The following GPC5 variants were observed in gnomAD, a reference collection of about 807,000 sequenced individuals.
The protein encoded by GPC5 is glypican 5.
GPC5 carries 47 observed loss-of-function variants against 53.9 expected under a neutral mutation model. That is an observed-to-expected ratio of 0.87 (90% CI 0.69 to 1.11). The LOEUF (loss-of-function observed/expected upper bound fraction) is 1.11. GPC5 is among the 50% of genes most tolerant of loss of function. The pLI is 0.00. For missense variants in GPC5, 748 were observed against 713.1 expected (o/e 1.05, Z -0.56); for synonymous variants, 286 against 263.3 (o/e 1.09, Z -0.84).
chr13:91,996,601 T>C (rs1295795708), intron 6 of GPC5: 2 of 152,218 alleles, frequency 1.3e-5, no homozygotes, highest in East Asian at 3.8e-4. Flanking sequence ...CAAAATATAG[T>C]TGTGTAACTG....
chr13:91,950,266 G>GTTT (rs35957614), intron 6 of GPC5, among the ~76,000 whole-genome samples: 5,034 of 122,588 alleles, frequency 0.041, 370 homozygotes, highest in African/African-American at 0.13. Context: ...AAACTGCCAA[G>GTTT]TTTTTTTTTT....
intron 6 of GPC5, among the ~76,000 whole-genome samples, chr13:91,935,136 T>C (rs1392513404): frequency 1.3e-5 from 2 of 151,824 alleles, no homozygotes; most frequent in Non-Finnish European, 2.9e-5. Context: ...TGGATTAGGA[T>C]AGTGAAAAAG....
intron 1 of GPC5, among the ~76,000 whole-genome samples, chr13:91,440,223 A>G (rs1305677503): frequency 1.3e-5 from 2 of 151,970 alleles, no homozygotes; most frequent in Non-Finnish European, 2.9e-5. Flanking sequence ...AATCTTACCT[A>G]TGTTACACTT....
At chr13:92,287,298 T>C (rs1244555022) in intron 7 of GPC5, among the ~76,000 whole-genome samples, 1 of 152,230 alleles carries the variant, frequency 6.6e-6, no homozygotes, top group Non-Finnish European at 1.5e-5. Context: ...TTCCAGAGAA[T>C]GTTCCTTGTA....
chr13:91,405,304 C>T lies in GPC5; in HGVS notation c.163+6095C>T, dbSNP rs114451797. Among the ~76,000 whole-genome samples the T allele has an allele frequency of 5.1e-3, 776 of 152,268 alleles. 5 individuals are homozygous for T. Among genetic ancestry groups the T allele is most frequent in the African/African-American group, 0.018 (745 of 41,518 alleles). The stretch of plus-strand genomic sequence containing the variant: ...TTCAGAAGCATCTCTCACCTCCATC[C>T]ACTAGATACCAATAGCATTACCACT... On this transcript the variant is annotated intron_variant, in intron 1 of 7. Transcript: ENST00000377067.
chr13:92,412,368 A>G (rs1362058269), intron 7 of GPC5, among the ~76,000 whole-genome samples: 2 of 152,164 alleles, frequency 1.3e-5, no homozygotes, highest in Non-Finnish European at 2.9e-5. Flanking sequence ...TGTTTTAGGA[A>G]GTATGGAGGA....
At chr13:91,576,029 A>C (rs1241089157) in intron 2 of GPC5, among the ~76,000 whole-genome samples, 1 of 152,100 alleles carries the variant, frequency 6.6e-6, no homozygotes, top group Non-Finnish European at 1.5e-5. Flanking sequence ...AATATGAAAG[A>C]AGTAGTAGGT....
chr13:92,735,737 A>G (rs1333919304), intron 7 of GPC5, among the ~76,000 whole-genome samples: 2 of 152,054 alleles, frequency 1.3e-5, no homozygotes, highest in Non-Finnish European at 2.9e-5. Context: ...AGCAAATTAC[A>G]GTATCAGCTT....
chr13:92,183,105 G>T (rs1432119019), intron 7 of GPC5, among the ~76,000 whole-genome samples: 2 of 152,164 alleles, frequency 1.3e-5, no homozygotes, highest in Non-Finnish European at 2.9e-5. Context: ...GGTGGAACTG[G>T]TAGTGTAAGC....
intron 6 of GPC5, among the ~76,000 whole-genome samples, chr13:91,922,994 A>G (rs2039731223): frequency 6.6e-6 from 1 of 152,202 alleles, no homozygotes; most frequent in Non-Finnish European, 1.5e-5. Context: ...ATAGTAGTTC[A>G]TAAGGCTTTC....
intron 7 of GPC5, among the ~76,000 whole-genome samples, chr13:92,506,696 G>A (rs1266429960): frequency 6.6e-6 from 1 of 152,054 alleles, no homozygotes; most frequent in Non-Finnish European, 1.5e-5. Flanking sequence ...GGAGAACGTA[G>A]GAAGCTCTTC....
intron 7 of GPC5, among the ~76,000 whole-genome samples, chr13:92,533,910 G>A (rs924284090): frequency 1.3e-5 from 2 of 152,032 alleles, no homozygotes; most frequent in African/African-American, 2.4e-5. Flanking sequence ...AGTTAGATTT[G>A]CAATTCATAA....
chr13:91,497,171 T>C (rs1884318423), intron 2 of GPC5, among the ~76,000 whole-genome samples: 1 of 152,202 alleles, frequency 6.6e-6, no homozygotes, highest in African/African-American at 2.4e-5. Flanking sequence ...ATAATTATAC[T>C]TTACAGTTTT....
chr13:92,808,807 T>C (rs1467667343), intron 7 of GPC5, among the ~76,000 whole-genome samples: 1 of 151,994 alleles, frequency 6.6e-6, no homozygotes, highest in African/African-American at 2.4e-5. Context: ...TTTGGCTACT[T>C]TTTAGTGGTA....
intron 7 of GPC5, among the ~76,000 whole-genome samples, chr13:92,249,777 T>C (rs2042679416): frequency 6.6e-6 from 1 of 152,038 alleles, no homozygotes; most frequent in African/African-American, 2.4e-5. Context: ...GCTTCCGTTT[T>C]GTCAACATCT....
chr13:92,206,502 T>G (rs2042339019), intron 7 of GPC5, among the ~76,000 whole-genome samples: 1 of 152,000 alleles, frequency 6.6e-6, no homozygotes. Flanking sequence ...CCATGTATTT[T>G]TATGTTTTGT....
Position 92,003,140 on chromosome 13 carries a change from G to A in GPC5, c.1401+95083G>A, listed in dbSNP as rs146580599. ...AGCTTGGCCAACATGACAAAACCCCGTCTCTACTAAAAATACAAAAATTAG... is the reference window on the plus strand; with the variant it reads ...AGCTTGGCCAACATGACAAAACCCCATCTCTACTAAAAATACAAAAATTAG... On this transcript the variant is annotated intron_variant, in intron 6 of 7. Coordinates refer to ENST00000377067, the MANE Select transcript of GPC5 (RefSeq NM_004466.6). 4.1e-3 allele frequency among the ~76,000 whole-genome samples: 624 copies of A among 151,824 alleles called. 4 individuals carry two copies. Among genetic ancestry groups the A allele is most frequent in the African/African-American group, 0.014 (596 of 41,416 alleles).
At chr13:91,403,209 G>T (rs758064281) in intron 1 of GPC5, among the ~76,000 whole-genome samples, 31 of 152,230 alleles carry the variant, frequency 2.0e-4, no homozygotes, top group Non-Finnish European at 4.3e-4. Context: ...ATTAACATCA[G>T]GATTGCCCTG....
intron 5 of GPC5, among the ~76,000 whole-genome samples, chr13:91,763,307 A>G (rs993682491): frequency 8.6e-5 from 13 of 151,966 alleles, no homozygotes; most frequent in African/African-American, 3.1e-4. Context: ...TGTACATCTC[A>G]TGGTACGCAC....
Sources: allele counts gnomAD v4.1 joint callset (sites outside exome capture counted in the v4.1 genomes callset), GRCh38; gene constraint gnomAD v4.1.1; transcripts MANE v1.5; gene names NCBI Gene and HGNC (gene_info 2026-07-23, HGNC 2026-07-21).